Variants in LRP1B observed in about 807,000 individuals in gnomAD.
LRP1B encodes the protein low-density lipoprotein receptor-related protein 1B.
LRP1B carries 217 observed loss-of-function variants against 556.6 expected under a neutral mutation model. The ratio of observed to expected loss-of-function variants is 0.39; its 90% CI spans 0.35 to 0.44. The LOEUF (loss-of-function observed/expected upper bound fraction) is 0.44. Among genes scored for constraint, LRP1B ranks in the 20% least tolerant of loss-of-function variants. LRP1B has a pLI of 1.00. For missense variants in LRP1B, 5,053 were observed against 5,620.8 expected (o/e 0.90, Z 3.23); for synonymous variants, 2,047 against 1,865.8 (o/e 1.10, Z -2.50).
intron 32 of LRP1B, among the ~76,000 whole-genome samples, chr2:140,783,465 A>G (rs920008172): frequency 6.6e-6 from 1 of 152,058 alleles, no homozygotes; most frequent in Non-Finnish European, 1.5e-5. Context: ...CTCCTGGCAA[A>G]CCAAAATTTA....
intron 7 of LRP1B, among the ~76,000 whole-genome samples, chr2:141,160,570 T>G (rs7576380): frequency 6.6e-6 from 1 of 151,516 alleles, no homozygotes; most frequent in Non-Finnish European, 1.5e-5. Context: ...TACTCAGCAA[T>G]AAAAAGGAAT....
chr2:140,658,680 T>C (rs1684975936), intron 41 of LRP1B, among the ~76,000 whole-genome samples: 1 of 151,288 alleles, frequency 6.6e-6, no homozygotes. Context: ...ACGCAATATG[T>C]CTACATTTAT....
At chr2:140,459,799 G>A (rs770427510) in intron 60 of LRP1B, among the ~76,000 whole-genome samples, 7 of 152,008 alleles carry the variant, frequency 4.6e-5, no homozygotes, top group East Asian at 1.9e-4. Context: ...TCATGGGGGC[G>A]GATTTCTCCC....
chr2:141,221,001 A>G (rs1159801179), intron 6 of LRP1B, among the ~76,000 whole-genome samples: 2 of 152,170 alleles, frequency 1.3e-5, no homozygotes, highest in Admixed American at 6.5e-5. Context: ...CAACTACATT[A>G]ACAAGTCTGC....
chr2:141,364,611 A>G lies in LRP1B; in HGVS notation c.344-109970T>C, dbSNP rs1053902819. Among the ~76,000 whole-genome samples the G allele has an allele frequency of 2.6e-5, 4 of 152,316 alleles. No individual in the cohort carries two copies. In the East Asian group the frequency reaches 7.7e-4, roughly 29 times the overall value. The stretch of plus-strand genomic sequence containing the variant: ...TAGATTTATACACATGCATCTTTCA[A>G]TCTGGCAGCTGAAAGGTAGATGTTT... On this transcript the variant is annotated intron_variant, in intron 3 of 90. Transcript: ENST00000389484.
At chr2:140,896,907 G>A (rs1291651791) in intron 23 of LRP1B, among the ~76,000 whole-genome samples, 2 of 152,140 alleles carry the variant, frequency 1.3e-5, no homozygotes, top group African/African-American at 2.4e-5. Context: ...AACAGAAAAT[G>A]AGCAAGAAAG....
intron 41 of LRP1B, among the ~76,000 whole-genome samples, chr2:140,662,058 A>T (rs1467226876): frequency 1.3e-5 from 2 of 152,090 alleles, no homozygotes; most frequent in Admixed American, 6.5e-5. Context: ...AAGTAGCCAT[A>T]TGGAAATATT....
intron 1 of LRP1B, among the ~76,000 whole-genome samples, chr2:141,999,659 G>A (rs1254251028): frequency 3.3e-5 from 5 of 151,390 alleles, no homozygotes; most frequent in Non-Finnish European, 1.5e-5. Flanking sequence ...ACTATATGAT[G>A]AGAAAGTTTA....
chr2:141,924,583 A>G (rs976780414), intron 1 of LRP1B, among the ~76,000 whole-genome samples: 1 of 151,868 alleles, frequency 6.6e-6, no homozygotes, highest in African/African-American at 2.4e-5. Flanking sequence ...ACAGGCACCC[A>G]CCCCTAGATA....
intron 27 of LRP1B, among the ~76,000 whole-genome samples, chr2:140,867,181 A>T (rs962371022): frequency 1.1e-4 from 16 of 152,146 alleles, no homozygotes; most frequent in Admixed American, 7.9e-4. Flanking sequence ...CAAAAGGTGA[A>T]ATACGGAATA....
chr2:142,006,225 T>C (rs892123824), intron 1 of LRP1B, among the ~76,000 whole-genome samples: 10 of 152,204 alleles, frequency 6.6e-5, no homozygotes, highest in Non-Finnish European at 1.5e-4. Flanking sequence ...CATCCTGCTA[T>C]ATTATTTGTA....
chr2:140,484,434 A>G (rs557224044), intron 59 of LRP1B, among the ~76,000 whole-genome samples: 3 of 152,190 alleles, frequency 2.0e-5, no homozygotes, highest in Admixed American at 2.0e-4. Flanking sequence ...TGTGAATAAA[A>G]TTAATTAATT....
intron 1 of LRP1B, among the ~76,000 whole-genome samples, chr2:141,814,004 T>C (rs982305943): frequency 6.6e-6 from 1 of 152,120 alleles, no homozygotes; most frequent in South Asian, 2.1e-4. Flanking sequence ...CACAGGACAG[T>C]GTAAAGAACC....
At chr2:140,736,561 A>C (rs1171389538) in intron 35 of LRP1B, among the ~76,000 whole-genome samples, 1 of 152,166 alleles carries the variant, frequency 6.6e-6, no homozygotes, top group African/African-American at 2.4e-5. Context: ...CAGAGTCCTC[A>C]GAAATAATAC....
At chr2:141,842,896 T>C (rs1173103648) in intron 1 of LRP1B, among the ~76,000 whole-genome samples, 1 of 152,158 alleles carries the variant, frequency 6.6e-6, no homozygotes. Context: ...AGGGTTACAA[T>C]ATCTCACAAT....
chr2:141,594,276 G>A (rs555960171), intron 2 of LRP1B, among the ~76,000 whole-genome samples: 2 of 152,172 alleles, frequency 1.3e-5, no homozygotes, highest in South Asian at 4.1e-4. Flanking sequence ...TCCTGGTTGT[G>A]AGACAAGAAC....
intron 81 of LRP1B, among the ~76,000 whole-genome samples, chr2:140,323,093 T>A (rs1052439142): frequency 5.9e-5 from 9 of 152,036 alleles, no homozygotes; most frequent in African/African-American, 2.2e-4. Context: ...TCTTTCCAGA[T>A]AAATGCACCA....
chr2:142,125,446 TAA>T (rs1707607017), intron 1 of LRP1B, among the ~76,000 whole-genome samples: 1 of 151,696 alleles, frequency 6.6e-6, no homozygotes, highest in South Asian at 2.1e-4. Flanking sequence ...GTGAGTGAGG[TAA>T]AGACACTCAT....
chr2:142,013,555 T>A (rs1225337406), intron 1 of LRP1B, among the ~76,000 whole-genome samples: 1 of 151,908 alleles, frequency 6.6e-6, no homozygotes, highest in East Asian at 1.9e-4. Flanking sequence ...GTAATATATC[T>A]ATTCTACAGA....
Sources: gnomAD v4.1 joint callset for allele counts (sites outside exome capture counted in the v4.1 genomes callset) on GRCh38, gnomAD v4.1.1 for gene constraint, MANE v1.5 for transcripts, NCBI Gene and HGNC (gene_info 2026-07-23, HGNC 2026-07-21) for gene names.